Variants in LPP observed in about 807,000 individuals in gnomAD.
LPP encodes LIM domain containing preferred translocation partner in lipoma.
A neutral mutation model predicts 60.4 loss-of-function variants in LPP; 38 were observed. That is an observed-to-expected ratio of 0.63 (90% CI 0.49 to 0.83). The LOEUF (loss-of-function observed/expected upper bound fraction) is 0.83. Ranked by LOEUF, LPP falls within the 40% of genes least tolerant of loss-of-function variation. The pLI is 0.00. For synonymous variants in LPP, 328 were observed against 290.8 expected, an observed-to-expected ratio of 1.13 and a Z score of -1.30; for missense variants, 902 against 783.6, an observed-to-expected ratio of 1.15 and a Z score of -1.80.
chr3:188,265,349 T>C (rs781154498), intron 2 of LPP, among the ~76,000 whole-genome samples: 1 of 152,052 alleles, frequency 6.6e-6, no homozygotes, highest in Admixed American at 6.6e-5. Flanking sequence ...ATTAAGATAG[T>C]GAAAGAGGAC....
intron 1 of LPP, among the ~76,000 whole-genome samples, chr3:188,178,369 C>T (rs574092834): frequency 2.8e-4 from 42 of 152,298 alleles, no homozygotes; most frequent in African/African-American, 1.0e-3. Context: ...CATGTTTCTT[C>T]ATTTATCTGT....
At chr3:188,461,138 A>G (rs1237959444) in intron 4 of LPP, among the ~76,000 whole-genome samples, 3 of 152,162 alleles carry the variant, frequency 2.0e-5, no homozygotes, top group Non-Finnish European at 2.9e-5. Context: ...AGTGATCTGA[A>G]GGTAGAATGG....
intron 3 of LPP, among the ~76,000 whole-genome samples, chr3:188,364,588 G>T (rs1031967818): frequency 6.6e-6 from 1 of 152,286 alleles, no homozygotes; most frequent in East Asian, 1.9e-4. Flanking sequence ...GGCTGGGATT[G>T]GAGTTAAATG....
intron 2 of LPP, among the ~76,000 whole-genome samples, chr3:188,254,865 C>T (rs1731126446): frequency 6.6e-6 from 1 of 152,198 alleles, no homozygotes; most frequent in Admixed American, 6.5e-5. Context: ...TAAATATTTA[C>T]ACTCCTGGAG....
chr3:188,485,429 A>G (rs1205787143), intron 5 of LPP, among the ~76,000 whole-genome samples: 1 of 152,198 alleles, frequency 6.6e-6, no homozygotes, highest in African/African-American at 2.4e-5. Flanking sequence ...AGGTGTGACT[A>G]TGTTCGCATA....
chr3:188,778,365 T>G (rs1446611616), intron 9 of LPP, among the ~76,000 whole-genome samples: 2 of 152,170 alleles, frequency 1.3e-5, no homozygotes, highest in Non-Finnish European at 2.9e-5. Flanking sequence ...TTGCTGAAAT[T>G]TTACTGGCAA....
rs148649353 is a variant in LPP at position 188,809,370 on chromosome 3, G to A, written c.1410+49088G>A. Among the ~76,000 whole-genome samples, 584 of 151,976 alleles carry A rather than the reference G, an allele frequency of 3.8e-3. 1 individual carries two copies. Among genetic ancestry groups the A allele is most frequent in the African/African-American group, 0.013 (555 of 41,450 alleles). On this transcript the variant is annotated intron_variant, in intron 9 of 11. Transcript: ENST00000617246. ...ATTGTTTCTTGACTTTTTAATAATC[G>A]CCATTCTGACTGTCATGAGATGGCA...
intron 2 of LPP, among the ~76,000 whole-genome samples, chr3:188,285,377 G>A (rs998555780): frequency 6.6e-6 from 1 of 152,182 alleles, no homozygotes; most frequent in Non-Finnish European, 1.5e-5. Context: ...GCAGGGTGGG[G>A]TGTCTTGGAT....
At chr3:188,852,948 G>A (rs1004999674) in intron 9 of LPP, among the ~76,000 whole-genome samples, 1 of 151,992 alleles carries the variant, frequency 6.6e-6, no homozygotes, top group African/African-American at 2.4e-5. Context: ...TTCGATACCA[G>A]CCTGGCCAAA....
intron 6 of LPP, among the ~76,000 whole-genome samples, chr3:188,552,878 G>A (rs1231073699): frequency 6.6e-6 from 1 of 152,156 alleles, no homozygotes; most frequent in Non-Finnish European, 1.5e-5. Flanking sequence ...AGGAATTAGA[G>A]TGTGTACATT....
At chr3:188,742,673 A>T (rs1724864473) in intron 8 of LPP, among the ~76,000 whole-genome samples, 1 of 152,144 alleles carries the variant, frequency 6.6e-6, no homozygotes, top group African/African-American at 2.4e-5. Context: ...AGGATTGATT[A>T]TAATGGGGAC....
intron 6 of LPP, among the ~76,000 whole-genome samples, chr3:188,547,675 G>A (rs1827020937): frequency 6.6e-6 from 1 of 152,124 alleles, no homozygotes; most frequent in South Asian, 2.1e-4. Context: ...TGAAATGACT[G>A]CTCTTAATTT....
intron 8 of LPP, among the ~76,000 whole-genome samples, chr3:188,741,570 A>ATT (rs72066131): frequency 0.21 from 30,770 of 143,626 alleles, 3,791 homozygotes; most frequent in Middle Eastern, 0.43. Flanking sequence ...CCTTTACTTC[A>ATT]TTTTTTTTTT....
intron 2 of LPP, among the ~76,000 whole-genome samples, chr3:188,290,049 C>T (rs909207187): frequency 9.2e-5 from 14 of 151,746 alleles, no homozygotes; most frequent in South Asian, 2.1e-4. Flanking sequence ...AGTGCAGTGG[C>T]GCAACCTTGG....
intron 9 of LPP, among the ~76,000 whole-genome samples, chr3:188,787,204 T>C (rs1240589981): frequency 2.0e-5 from 3 of 152,160 alleles, no homozygotes; most frequent in Admixed American, 1.3e-4. Context: ...TTACAAGGTA[T>C]TATTGTTGGG....
chr3:188,524,783 C>T lies in LPP; in HGVS notation c.425C>T (p.Pro142Leu). 1 of 1,613,762 alleles carries T rather than the reference C, an allele frequency of 6.2e-7. No homozygotes were observed. The highest frequency in any genetic ancestry group is 8.5e-7 in the Non-Finnish European group (1 of 1,179,820). Residue 142 changes from proline to leucine, a missense_variant, in exon 6 of 12, where the codon CCA becomes CTA. Physicochemically the swap from Pro to Leu is moderately conservative, Grantham distance 98. Transcript: ENST00000617246. Reference protein sequence around the residue: ...ECSSPYKPRPPQSSTGSTASP... With the variant: ...ECSSPYKPRPLQSSTGSTASP... ...AGCTCCCCCTATAAGCCTCGGCCTC[C>T]ACAGGTTAGTGCAGCCCACAATCAT...
Position 188,650,850 on chromosome 3 carries a change from C to A in LPP, c.1113+41006C>A, listed in dbSNP as rs191528764. Among the ~76,000 whole-genome samples, 25 of 152,244 alleles carry A rather than the reference C, an allele frequency of 1.6e-4. No individual in the cohort carries two copies. In the East Asian group the frequency reaches 4.4e-3, roughly 27 times the overall value. ...ATAAAGTTTTATTGGAATTCAGTCA[C>A]GCCCATTTGCTTATGTGTTGTCTAT... is the stretch of plus-strand genomic sequence containing the variant. On this transcript the variant is annotated intron_variant, in intron 7 of 11. Transcript: ENST00000617246.
At chr3:188,718,040 C>G (rs761799507) in intron 8 of LPP, among the ~76,000 whole-genome samples, 10 of 152,110 alleles carry the variant, frequency 6.6e-5, no homozygotes, top group Non-Finnish European at 1.3e-4. Flanking sequence ...AGGCTGATCT[C>G]GAACTCCCGA....
At chr3:188,225,574 G>A (rs1416190917) in intron 2 of LPP, 47 bp downstream of exon 2, 1 of 152,170 alleles carries the variant, frequency 6.6e-6, no homozygotes, top group Non-Finnish European at 1.5e-5. Flanking sequence ...TAAAATCAAT[G>A]TATATGTTTT....
Sources: allele counts gnomAD v4.1 joint callset (sites outside exome capture counted in the v4.1 genomes callset), GRCh38; gene constraint gnomAD v4.1.1; transcripts MANE v1.5; gene names NCBI Gene and HGNC (gene_info 2026-07-23, HGNC 2026-07-21).